The following NXPH1 variants were observed in gnomAD, a reference collection of about 807,000 sequenced individuals.
NXPH1 encodes the protein neurexophilin-1.
In NXPH1, 5 loss-of-function variants were observed where a neutral mutation model predicts 23.7. The ratio of observed to expected loss-of-function variants is 0.21; its 90% confidence interval spans 0.11 to 0.44. The LOEUF (loss-of-function observed/expected upper bound fraction) is 0.44. NXPH1 is among the 20% of genes least tolerant of loss of function. The probability of loss-of-function intolerance (pLI) is 0.99; values close to 1 mark genes in which losing one functional copy is unlikely to be tolerated. For missense variants in NXPH1, 324 were observed against 321.6 expected (o/e 1.01, Z -0.06); for synonymous variants, 144 against 122.2 (o/e 1.18, Z -1.18).
intron 2 of NXPH1, among the ~76,000 whole-genome samples, chr7:8,515,472 C>T (rs1817672636): frequency 6.6e-6 from 1 of 152,084 alleles, no homozygotes; most frequent in Non-Finnish European, 1.5e-5. Context: ...GGGATTCATT[C>T]ATGTGTTGTT....
At chr7:8,450,252 C>G (rs180672672) in intron 2 of NXPH1, among the ~76,000 whole-genome samples, 21 of 152,298 alleles carry the variant, frequency 1.4e-4, no homozygotes, top group Non-Finnish European at 2.1e-4. Context: ...TCTAACTTTC[C>G]TGTGGCATTT....
intron 2 of NXPH1, among the ~76,000 whole-genome samples, chr7:8,466,050 A>G (rs1018526246): frequency 1.3e-5 from 2 of 152,212 alleles, no homozygotes; most frequent in Non-Finnish European, 2.9e-5. Context: ...TCCTAATGAA[A>G]TGATCTGTGA....
chr7:8,501,057 T>C (rs1027551011), intron 2 of NXPH1, among the ~76,000 whole-genome samples: 1 of 152,130 alleles, frequency 6.6e-6, no homozygotes, highest in Non-Finnish European at 1.5e-5. Flanking sequence ...TATCCTTTAA[T>C]GACACTTGTT....
chr7:8,600,196 G>T (rs1490193187), intron 2 of NXPH1, among the ~76,000 whole-genome samples: 4 of 141,512 alleles, frequency 2.8e-5, no homozygotes, highest in Non-Finnish European at 4.4e-5. Flanking sequence ...GTATAAGAAA[G>T]TAGGCAAAGG....
intron 2 of NXPH1, among the ~76,000 whole-genome samples, chr7:8,462,433 T>C (rs548803906): frequency 6.6e-6 from 1 of 152,338 alleles, no homozygotes; most frequent in East Asian, 1.9e-4. Flanking sequence ...TTAATCTAGA[T>C]AACAGCTCCC....
intron 2 of NXPH1, among the ~76,000 whole-genome samples, chr7:8,455,100 G>A (rs933113422): frequency 1.3e-5 from 2 of 152,032 alleles, no homozygotes; most frequent in Non-Finnish European, 2.9e-5. Flanking sequence ...ATTATCAGAG[G>A]TAACCTTGCA....
At chr7:8,657,425 G>A (rs1820600733) in intron 2 of NXPH1, among the ~76,000 whole-genome samples, 1 of 152,156 alleles carries the variant, frequency 6.6e-6, no homozygotes, top group Non-Finnish European at 1.5e-5. Flanking sequence ...TGATTTGCAG[G>A]ACATTTCCTT....
At position 8,435,783 on chromosome 7, in the gene NXPH1, T is replaced by G. The variant is rs1584152899; in HGVS notation, c.54+16T>G. 6.2e-7 allele frequency: 1 copy of G among 1,613,500 alleles called. No homozygotes were observed. Among genetic ancestry groups the G allele is most frequent in the Non-Finnish European group, 8.5e-7 (1 of 1,179,566 alleles). ...CGTCTACTTGGTAAGTCTTGGAAGG[T>G]TCGGGGCTTTCGCATTTTTACCCCG... is the stretch of plus-strand genomic sequence containing the variant. On this transcript the variant is annotated intron_variant, in intron 2 of 2. Coordinates refer to ENST00000405863, the MANE Select transcript of NXPH1 (RefSeq NM_152745.3). The surrounding 1 kb of genome is among the most constrained non-coding windows in gnomAD (Gnocchi z 5.9).
chr7:8,587,583 C>T (rs1180575620), intron 2 of NXPH1, among the ~76,000 whole-genome samples: 2 of 152,112 alleles, frequency 1.3e-5, no homozygotes, highest in South Asian at 2.1e-4. Context: ...TTTGTTGCAC[C>T]CATCAATCCG....
chr7:8,503,119 G>C (rs187944636), intron 2 of NXPH1, among the ~76,000 whole-genome samples: 18 of 152,144 alleles, frequency 1.2e-4, no homozygotes, highest in African/African-American at 4.3e-4. Flanking sequence ...GAAGGGCCCC[G>C]ATCTATTTGT....
chr7:8,734,223 A>C (rs987603529), intron 2 of NXPH1, among the ~76,000 whole-genome samples: 6 of 152,032 alleles, frequency 3.9e-5, no homozygotes, highest in Non-Finnish European at 5.9e-5. Context: ...GTTATGTTCC[A>C]TTGGTTTATA....
In NXPH1 at chr7:8,435,902, T is replaced by C; in HGVS notation, c.54+135T>C. On this transcript the variant is annotated intron_variant, in intron 2 of 2. Transcript: ENST00000405863. This position sits in a 1 kb window ranked among gnomAD's most constrained non-coding sequence, Gnocchi z 5.9. ...CCTAGCAGCTGTGTTGGAGCAACTT[T>C]GGCAAGCTGGTCTCTGGATTCCTGC... 1.2e-6 allele frequency: 1 copy of C among 833,500 alleles called. No homozygotes were observed. Among genetic ancestry groups the C allele is most frequent in the Non-Finnish European group, 2.1e-6 (1 of 483,250 alleles). The allele number at this position is 833,500 out of a possible 1,614,324, so 51.6% of individuals were successfully genotyped here.
chr7:8,675,005 C>T (rs1820926901), intron 2 of NXPH1, among the ~76,000 whole-genome samples: 1 of 152,250 alleles, frequency 6.6e-6, no homozygotes. Flanking sequence ...TGACTATTTC[C>T]TACCAGGGCT....
At chr7:8,709,200 C>A (rs543179341) in intron 2 of NXPH1, among the ~76,000 whole-genome samples, 1 of 152,290 alleles carries the variant, frequency 6.6e-6, no homozygotes, top group Admixed American at 6.5e-5. Context: ...TCCCTATCTG[C>A]TTTGGCAGTG....
At chr7:8,730,817 T>C (rs539381152) in intron 2 of NXPH1, among the ~76,000 whole-genome samples, 1 of 150,520 alleles carries the variant, frequency 6.6e-6, no homozygotes, top group African/African-American at 2.5e-5. Context: ...CAATTATGTG[T>C]CTTGGAGTTG....
chr7:8,630,272 A>G (rs1206964761), intron 2 of NXPH1, among the ~76,000 whole-genome samples: 3 of 152,150 alleles, frequency 2.0e-5, no homozygotes, highest in African/African-American at 7.2e-5. Context: ...TTATTATTGA[A>G]TTTAATTCAA....
chr7:8,569,072 A>T (rs1818601209), intron 2 of NXPH1, among the ~76,000 whole-genome samples: 1 of 151,936 alleles, frequency 6.6e-6, no homozygotes, highest in Non-Finnish European at 1.5e-5. Context: ...TAATTAATGC[A>T]TCAGGTTGCC....
Position 8,469,426 on chromosome 7 carries a change from C to A in NXPH1, c.54+33659C>A, listed in dbSNP as rs555464598. Among the ~76,000 whole-genome samples the A allele has an allele frequency of 5.3e-5, 8 of 152,200 alleles. No individual in the cohort carries two copies. The South Asian group carries it at 1.0e-3, about 20-fold the overall frequency. ...GATTTAGCTCCAGCTCAGCAGCTCT[C>A]AGTTTTGTGAGTATAATCAACTAGG... On this transcript the variant is annotated intron_variant, in intron 2 of 2. Coordinates refer to ENST00000405863, the MANE Select transcript of NXPH1 (RefSeq NM_152745.3).
chr7:8,679,594 G>C (rs1821019757), intron 2 of NXPH1, among the ~76,000 whole-genome samples: 1 of 152,068 alleles, frequency 6.6e-6, no homozygotes, highest in African/African-American at 2.4e-5. Context: ...ATTAACTTTT[G>C]TTATTATTTT....
Sources: gnomAD v4.1 joint callset for allele counts (sites outside exome capture counted in the v4.1 genomes callset) on GRCh38, gnomAD v4.1.1 for gene constraint, Gnocchi (gnomAD v3.1) non-coding constraint, MANE v1.5 for transcripts, NCBI Gene and HGNC (gene_info 2026-07-23, HGNC 2026-07-21) for gene names.